ROCK2: variants seen among roughly 807,000 people sequenced by gnomAD.
ROCK2 encodes Rho associated coiled-coil containing protein kinase 2, also known as rho-associated protein kinase 2.
A neutral mutation model predicts 195.1 loss-of-function variants in ROCK2; 61 were observed. The observed-to-expected ratio is 0.31, with a 90% CI of 0.25 to 0.39. ROCK2 has a LOEUF of 0.39. ROCK2 is among the 10% of genes least tolerant of loss of function. The pLI, the probability that ROCK2 is intolerant of heterozygous loss-of-function variation, is 1.00. For synonymous variants in ROCK2, 504 were observed against 545.5 expected (o/e 0.92, Z 1.06); for missense variants, 1,109 against 1,637.4 (o/e 0.68, Z 5.57).
chr2:11,345,208 A>T (rs1294247992), upstream of ROCK2, among the ~76,000 whole-genome samples: 2 of 152,186 alleles, frequency 1.3e-5, no homozygotes, highest in Admixed American at 1.3e-4. Flanking sequence ...AGGCGGGTGG[A>T]ATCCTAGTCC....
At chr2:11,313,288 C>T (rs901040233) in intron 1 of ROCK2, among the ~76,000 whole-genome samples, 1 of 151,910 alleles carries the variant, frequency 6.6e-6, no homozygotes, top group East Asian at 1.9e-4. Flanking sequence ...CTGTTCTAGT[C>T]TATTAACTAT....
At chr2:11,183,717 T>A (rs910260926) in intron 32 of ROCK2, among the ~76,000 whole-genome samples, 39 of 148,000 alleles carry the variant, frequency 2.6e-4, no homozygotes, top group African/African-American at 9.5e-4. Flanking sequence ...CTATTAGGGT[T>A]AAACAATATA....
intron 3 of ROCK2, among the ~76,000 whole-genome samples, chr2:11,260,782 T>TAC: frequency 6.6e-6 from 1 of 152,210 alleles, no homozygotes. Context: ...AAAACAAATA[T>TAC]ACCTAGAAGG....
intron 4 of ROCK2, among the ~76,000 whole-genome samples, chr2:11,236,685 C>G (rs535528980): frequency 9.2e-5 from 14 of 152,124 alleles, no homozygotes; most frequent in Admixed American, 6.5e-4. Context: ...CACACCCCTC[C>G]CAGAAACAAG....
At chr2:11,242,746 T>C (rs1665472030) in intron 4 of ROCK2, among the ~76,000 whole-genome samples, 1 of 152,162 alleles carries the variant, frequency 6.6e-6, no homozygotes, top group Non-Finnish European at 1.5e-5. Flanking sequence ...GGGAGGAGCT[T>C]ATTCACCATT....
upstream of ROCK2, among the ~76,000 whole-genome samples, chr2:11,345,382 G>A (rs1408998627): frequency 1.3e-5 from 2 of 152,192 alleles, no homozygotes; most frequent in Non-Finnish European, 2.9e-5. Flanking sequence ...GGACCGTTCC[G>A]CCGCATTCCT....
intron 17 of ROCK2, among the ~76,000 whole-genome samples, chr2:11,213,375 C>T (rs1231635622): frequency 6.6e-6 from 1 of 152,050 alleles, no homozygotes; most frequent in East Asian, 1.9e-4. Context: ...CTACCTCATG[C>T]CGAGCTCTGT....
At position 11,180,529 on chromosome 2, in the gene ROCK2, GTACAT is replaced by G. The variant is rs1662941422; in HGVS notation, c.*2903_*2907del. On this transcript the variant is annotated 3_prime_UTR_variant, in exon 33 of 33. Coordinates refer to ENST00000315872, the MANE Select transcript of ROCK2 (RefSeq NM_004850.5). ...AATTAATACTTTAAAAACATTCACT[GTACAT>G]TAATTTCAACAGTAATACCGGCACC... is the stretch of plus-strand genomic sequence containing the variant. The G allele has an allele frequency of 6.6e-6, 1 of 152,070 alleles. No homozygotes were observed. Among genetic ancestry groups the G allele is most frequent in the Non-Finnish European group, 1.5e-5 (1 of 68,018 alleles). The allele number at this position is 152,070 out of a possible 1,614,324, so 9.4% of individuals were successfully genotyped here.
At chr2:11,250,060 C>T (rs1259904666) in intron 3 of ROCK2, among the ~76,000 whole-genome samples, 5 of 152,036 alleles carry the variant, frequency 3.3e-5, no homozygotes, top group Non-Finnish European at 7.4e-5. Flanking sequence ...AAGGTAAATT[C>T]GTGAAGCTTC....
intron 12 of ROCK2, among the ~76,000 whole-genome samples, chr2:11,216,497 TTC>T (rs1664433293): frequency 6.7e-6 from 1 of 149,304 alleles, no homozygotes; most frequent in African/African-American, 2.5e-5. Context: ...AGCTCTCCAT[TTC>T]TTTCTTTCTT....
chr2:11,236,430 G>GCC (rs1193751631), intron 4 of ROCK2, among the ~76,000 whole-genome samples: 3 of 151,976 alleles, frequency 2.0e-5, no homozygotes, highest in Admixed American at 6.6e-5. Context: ...GAGGGAATAA[G>GCC]CCCCATATCA....
Position 11,218,955 on chromosome 2 carries a change from T to A in ROCK2, c.1320+11A>T, listed in dbSNP as rs200846801. Reference sequence around the variant, plus strand: ...ACTAAAATAACTACAGCAGTAAAAATGTATACGTACTTCATTTTTCCTTGA... The same window carrying A: ...ACTAAAATAACTACAGCAGTAAAAAAGTATACGTACTTCATTTTTCCTTGA... On this transcript the variant is annotated intron_variant, in intron 10 of 32. Coordinates refer to ENST00000315872, the MANE Select transcript of ROCK2 (RefSeq NM_004850.5). The A allele has an allele frequency of 2.1e-6, 3 of 1,398,542 alleles. No homozygotes were observed. The highest frequency in any genetic ancestry group is 3.0e-6 in the Non-Finnish European group (3 of 1,015,458). The allele number at this position is 1,398,542 out of a possible 1,614,324, so 86.6% of individuals were successfully genotyped here.
At chr2:11,309,637 G>C (rs1308147854) in intron 1 of ROCK2, among the ~76,000 whole-genome samples, 1 of 152,092 alleles carries the variant, frequency 6.6e-6, no homozygotes, top group Non-Finnish European at 1.5e-5. Flanking sequence ...ATGAGTATAT[G>C]AAATATAAAA....
chr2:11,195,597 C>A (rs1663604438), intron 27 of ROCK2, among the ~76,000 whole-genome samples: 1 of 152,178 alleles, frequency 6.6e-6, no homozygotes, highest in Non-Finnish European at 1.5e-5. Context: ...TCACTGCAGG[C>A]TGTGCATCCT....
chr2:11,245,592 T>C (rs1355678164), intron 4 of ROCK2, among the ~76,000 whole-genome samples: 1 of 152,114 alleles, frequency 6.6e-6, no homozygotes, highest in Non-Finnish European at 1.5e-5. Context: ...TAGGAATCTA[T>C]TGTAAAGAAA....
chr2:11,238,245 T>TGTGTGTGTGTGTGTGTC (rs11377542), intron 4 of ROCK2, among the ~76,000 whole-genome samples: 23 of 38,432 alleles, frequency 6.0e-4, no homozygotes, highest in African/African-American at 1.6e-3. Context: ...TGTGTGTCTG[T>TGTGTGTGTGTGTGTGTC]TGTGTGTGTC....
chr2:11,254,853 A>C (rs1348576660), intron 3 of ROCK2, among the ~76,000 whole-genome samples: 1 of 151,816 alleles, frequency 6.6e-6, no homozygotes, highest in African/African-American at 2.4e-5. Flanking sequence ...CACAAACCTA[A>C]CAAAACCTAA....
intron 1 of ROCK2, among the ~76,000 whole-genome samples, chr2:11,337,264 C>G (rs1553321408): frequency 1.3e-5 from 2 of 149,356 alleles, no homozygotes; most frequent in South Asian, 4.2e-4. Flanking sequence ...AAAAAAGAGA[C>G]AGAGAGAGAG....
rs1398985426 is a variant in ROCK2, at chr2:11,207,836, T to C, written c.2439A>G (p.Gln813=). The change falls in exon 20 of 33, where the codon CAA becomes CAG. Residue 813 remains glutamine (Q), a synonymous_variant. Coordinates refer to ENST00000315872, the MANE Select transcript of ROCK2 (RefSeq NM_004850.5). ...TTTTTAGTGTGTTAACCTGTTGTGT[T>C]TGCATCTTCAGGTCATTTTGTGTAA... ...RCLTQNDLKM[Q]TQQVNTLKMS... The C allele has an allele frequency of 1.2e-6, 2 of 1,611,150 alleles. No homozygotes were observed. Among genetic ancestry groups the C allele is most frequent in the South Asian group, 2.2e-5 (2 of 90,662 alleles).
Sources: allele counts gnomAD v4.1 joint callset (sites outside exome capture counted in the v4.1 genomes callset), GRCh38; gene constraint gnomAD v4.1.1; transcripts MANE v1.5; gene names NCBI Gene and HGNC (gene_info 2026-07-23, HGNC 2026-07-21).